THSD7B: variants seen among roughly 807,000 people sequenced by gnomAD.
THSD7B encodes thrombospondin type 1 domain containing 7B, also known as thrombospondin type-1 domain-containing protein 7B.
In THSD7B, 138 loss-of-function variants were observed where a neutral mutation model predicts 213.6. That is an observed-to-expected ratio of 0.65 (90% CI 0.56 to 0.74). The LOEUF is 0.74. Ranked by LOEUF, THSD7B falls within the 30% of genes least tolerant of loss-of-function variation. THSD7B has a pLI of 0.00. For missense variants in THSD7B, 1,931 were observed against 1,991.5 expected (o/e 0.97, Z 0.58); for synonymous variants, 742 against 687.0 (o/e 1.08, Z -1.25).
At chr2:136,836,778 A>C (rs1185159347) in intron 1 of THSD7B, among the ~76,000 whole-genome samples, 1 of 152,130 alleles carries the variant, frequency 6.6e-6, no homozygotes, top group Non-Finnish European at 1.5e-5. Context: ...TCTGCCATCT[A>C]GTGTATATCT....
intron 1 of THSD7B, among the ~76,000 whole-genome samples, chr2:136,877,349 C>T (rs1455871697): frequency 2.6e-5 from 4 of 152,070 alleles, no homozygotes; most frequent in African/African-American, 4.8e-5. Context: ...GAAATGTGGC[C>T]AATTCAGTTC....
chr2:137,443,129 G>A (rs763591464), intron 14 of THSD7B, among the ~76,000 whole-genome samples: 4 of 152,022 alleles, frequency 2.6e-5, no homozygotes, highest in South Asian at 2.1e-4. Context: ...CCTCAATATC[G>A]TCTAAGGAAA....
intron 12 of THSD7B, among the ~76,000 whole-genome samples, chr2:137,288,794 T>TAC (rs2104829650): frequency 2.1e-5 from 1 of 48,132 alleles, no homozygotes; most frequent in South Asian, 1.1e-3. Flanking sequence ...AGAAACATAA[T>TAC]ATATATATAT....
intron 17 of THSD7B, among the ~76,000 whole-genome samples, chr2:137,607,732 G>T (rs1164083791): frequency 6.6e-6 from 1 of 152,064 alleles, no homozygotes; most frequent in Non-Finnish European, 1.5e-5. Flanking sequence ...AGCTCCAACT[G>T]TAATATAAAC....
intron 15 of THSD7B, among the ~76,000 whole-genome samples, chr2:137,520,593 C>T (rs529564210): frequency 1.2e-3 from 179 of 152,266 alleles, no homozygotes; most frequent in South Asian, 3.9e-3. Context: ...TATTTTATGT[C>T]CAAAGATTCT....
chr2:137,414,406 GTGTA>G (rs1406743175), intron 14 of THSD7B, among the ~76,000 whole-genome samples: 1 of 152,026 alleles, frequency 6.6e-6, no homozygotes, highest in African/African-American at 2.4e-5. Context: ...GTGTGTGTGT[GTGTA>G]TATATATATA....
intron 15 of THSD7B, among the ~76,000 whole-genome samples, chr2:137,515,238 T>C (rs1216074978): frequency 3.9e-5 from 6 of 152,118 alleles, no homozygotes. Flanking sequence ...GTTAACTTTT[T>C]TTGCCAGAAG....
intron 15 of THSD7B, among the ~76,000 whole-genome samples, chr2:137,532,548 G>A (rs11890469): frequency 6.7e-4 from 102 of 151,678 alleles, no homozygotes; most frequent in African/African-American, 2.3e-3. Flanking sequence ...TAAGATTTCC[G>A]TATTATAGAG....
At chr2:137,572,979 C>G (rs1681387760) in intron 17 of THSD7B, among the ~76,000 whole-genome samples, 1 of 151,634 alleles carries the variant, frequency 6.6e-6, no homozygotes, top group Non-Finnish European at 1.5e-5. Flanking sequence ...TAGTGATGAT[C>G]TGTTTTTGCC....
intron 15 of THSD7B, among the ~76,000 whole-genome samples, chr2:137,493,795 T>C (rs1679490407): frequency 6.6e-6 from 1 of 152,190 alleles, no homozygotes; most frequent in African/African-American, 2.4e-5. Context: ...TCTTTCATTT[T>C]CATCAGATGT....
At chr2:137,096,879 C>G (rs993604862) in intron 4 of THSD7B, among the ~76,000 whole-genome samples, 1 of 152,168 alleles carries the variant, frequency 6.6e-6, no homozygotes, top group Non-Finnish European at 1.5e-5. Flanking sequence ...TGTGAAATGC[C>G]AGGCCCAGGG....
intron 5 of THSD7B, among the ~76,000 whole-genome samples, chr2:137,124,670 A>G (rs1179398928): frequency 9.8e-5 from 15 of 152,286 alleles, no homozygotes; most frequent in Admixed American, 7.8e-4. Flanking sequence ...TGTGGAATAT[A>G]TAATTGTAGT....
At chr2:136,898,240 T>C (rs571466044) in intron 2 of THSD7B, among the ~76,000 whole-genome samples, 2 of 152,356 alleles carry the variant, frequency 1.3e-5, no homozygotes, top group South Asian at 4.1e-4. Context: ...TAAATTTTAG[T>C]GTATAAGCCT....
intron 12 of THSD7B, among the ~76,000 whole-genome samples, chr2:137,295,185 G>A (rs114891240): frequency 9.2e-5 from 14 of 152,166 alleles, no homozygotes; most frequent in African/African-American, 3.1e-4. Context: ...AACAAGCCCT[G>A]TTCCAATTAA....
At chr2:137,545,212 T>C (rs143988549) in intron 15 of THSD7B, among the ~76,000 whole-genome samples, 28 of 151,956 alleles carry the variant, frequency 1.8e-4, no homozygotes, top group African/African-American at 6.7e-4. Context: ...CTTACTAAAA[T>C]AAAAAGTTAC....
intron 3 of THSD7B, among the ~76,000 whole-genome samples, chr2:137,089,744 A>T (rs780723327): frequency 2.6e-5 from 4 of 152,016 alleles, no homozygotes; most frequent in African/African-American, 4.8e-5. Context: ...CCGAAATCTC[A>T]CACATCACCA....
chr2:136,889,864 T>C (rs946776064), intron 2 of THSD7B, among the ~76,000 whole-genome samples: 1 of 152,194 alleles, frequency 6.6e-6, no homozygotes, highest in Non-Finnish European at 1.5e-5. Flanking sequence ...CTGTTTCTCT[T>C]CTTTGCCTTT....
At chr2:137,051,525 T>C (rs897813462) in intron 2 of THSD7B, among the ~76,000 whole-genome samples, 2 of 152,214 alleles carry the variant, frequency 1.3e-5, no homozygotes, top group African/African-American at 4.8e-5. Flanking sequence ...TATAAGTAAG[T>C]CAATGTTGTT....
chr2:136,867,031 C>T (rs1683344946), intron 1 of THSD7B, among the ~76,000 whole-genome samples: 1 of 151,966 alleles, frequency 6.6e-6, no homozygotes. Flanking sequence ...TTCATTTCTT[C>T]ATTTATTCAA....
Sources: gnomAD v4.1 joint callset for allele counts (sites outside exome capture counted in the v4.1 genomes callset) on GRCh38, gnomAD v4.1.1 for gene constraint, MANE v1.5 for transcripts, NCBI Gene and HGNC (gene_info 2026-07-23, HGNC 2026-07-21) for gene names.